BCAS4: variants seen among roughly 807,000 people sequenced by gnomAD.
BCAS4 encodes the protein breast carcinoma amplified sequence 4.
Under a neutral mutation model 15.7 loss-of-function variants are expected in BCAS4, and 9 were observed. That is an observed-to-expected ratio of 0.57 (90% CI 0.34 to 1.00). BCAS4 has a LOEUF of 1.00. BCAS4 is among the 50% of genes least tolerant of loss of function. The pLI, the probability that BCAS4 is intolerant of heterozygous loss-of-function variation, is 0.02. For missense variants in BCAS4, 225 were observed against 239.1 expected, an observed-to-expected ratio of 0.94 and a Z score of 0.39; for synonymous variants, 101 against 99.5, an observed-to-expected ratio of 1.02 and a Z score of -0.09.
At chr20:50,837,818 A>C (rs1228679896) in intron 3 of BCAS4, among the ~76,000 whole-genome samples, 1 of 152,218 alleles carries the variant, frequency 6.6e-6, no homozygotes, top group African/African-American at 2.4e-5. Flanking sequence ...GATTGGTATT[A>C]ACGCTGGGAG....
chr20:50,825,181 G>A (rs1267373027), intron 2 of BCAS4, among the ~76,000 whole-genome samples: 4 of 152,212 alleles, frequency 2.6e-5, no homozygotes, highest in African/African-American at 9.6e-5. Context: ...AGTGTGCTCT[G>A]TTGGTATCGT....
Position 50,818,261 on chromosome 20 carries a change from G to T in BCAS4, c.141G>T (p.Glu47Asp). The T allele has an allele frequency of 1.2e-6, 2 of 1,613,860 alleles. No homozygotes were observed. Among genetic ancestry groups the T allele is most frequent in the Non-Finnish European group, 1.7e-6 (2 of 1,179,946 alleles). ...TIEGMLLRLE[E>D]FCSLADLIRS... ...AGGGCATGCTCCTCAGGCTGGAAGA[G>T]TTTTGCAGCCTGGCTGACCTGGTGA... Residue 47 changes from glutamate to aspartate, a missense_variant, in exon 2 of 5, where the codon GAG (glutamate) becomes GAT (aspartate). Transcript: ENST00000371608.
intron 4 of BCAS4, among the ~76,000 whole-genome samples, chr20:50,868,725 C>T (rs761531169): frequency 6.6e-6 from 1 of 152,204 alleles, no homozygotes; most frequent in Non-Finnish European, 1.5e-5. Context: ...CTGATCCTTT[C>T]ATTTCATTAT....
At chr20:50,813,339 T>C (rs1231509727) in intron 1 of BCAS4, among the ~76,000 whole-genome samples, 1 of 152,100 alleles carries the variant, frequency 6.6e-6, no homozygotes, top group African/African-American at 2.4e-5. Context: ...GTGGAGGATT[T>C]GGGGTGGGGA....
At chr20:50,830,494 G>C (rs2088331231) in intron 3 of BCAS4, 114 bp downstream of exon 3, 2 of 781,916 alleles carry the variant, frequency 2.6e-6, no homozygotes, top group Non-Finnish European at 4.1e-6. Flanking sequence ...CAATGCAGGG[G>C]GTTGGTGGTG....
At chr20:50,847,480 A>G (rs1352909039) in intron 4 of BCAS4, among the ~76,000 whole-genome samples, 2 of 152,238 alleles carry the variant, frequency 1.3e-5, no homozygotes, top group African/African-American at 4.8e-5. Flanking sequence ...GGCAGCTGAC[A>G]GAGCCAGCCC....
chr20:50,818,088 GT>G, intron 1 of BCAS4, 122 bp from the exon 2 acceptor site: 1 of 860,392 alleles, frequency 1.2e-6, no homozygotes, highest in Non-Finnish European at 1.8e-6. Flanking sequence ...GTGGAAGGGG[GT>G]CGAGCAGGAA....
chr20:50,867,687 G>T (rs539062781), intron 4 of BCAS4, among the ~76,000 whole-genome samples: 3 of 152,310 alleles, frequency 2.0e-5, no homozygotes, highest in African/African-American at 7.2e-5. Flanking sequence ...GCCAAGGTGG[G>T]CAGATCACTT....
At chr20:50,812,299 A>T (rs1323600927) in intron 1 of BCAS4, among the ~76,000 whole-genome samples, 1 of 151,502 alleles carries the variant, frequency 6.6e-6, no homozygotes, top group African/African-American at 2.4e-5. Flanking sequence ...CGCCCGGCTA[A>T]TTTTTTGTAT....
intron 3 of BCAS4, among the ~76,000 whole-genome samples, chr20:50,839,819 T>A (rs945456377): frequency 1.3e-5 from 2 of 152,244 alleles, no homozygotes; most frequent in Admixed American, 6.5e-5. Context: ...AGGTTGATAC[T>A]GTTTTTAATC....
intron 1 of BCAS4, among the ~76,000 whole-genome samples, chr20:50,804,916 A>G (rs777336188): frequency 6.6e-6 from 1 of 152,110 alleles, no homozygotes; most frequent in Non-Finnish European, 1.5e-5. Flanking sequence ...ACCTAACGCT[A>G]CTCAGAGAAT....
upstream of BCAS4, chr20:50,795,058 G>A (rs1382165959): frequency 1.3e-5 from 19 of 1,481,736 alleles, no homozygotes; most frequent in Non-Finnish European, 1.7e-5. Flanking sequence ...GGCAGCCTCC[G>A]CCAGCCGGAC....
At chr20:50,856,306 C>T (rs1431112969) in intron 4 of BCAS4, among the ~76,000 whole-genome samples, 2 of 152,182 alleles carry the variant, frequency 1.3e-5, no homozygotes, top group Non-Finnish European at 2.9e-5. Context: ...GAAAATAAAC[C>T]GTGTCTCATT....
At chr20:50,807,743 C>T (rs1033820131) in intron 1 of BCAS4, among the ~76,000 whole-genome samples, 9 of 151,992 alleles carry the variant, frequency 5.9e-5, no homozygotes, top group African/African-American at 2.2e-4. Flanking sequence ...CTCTCACTTA[C>T]GAGTGAGAAC....
chr20:50,818,086 G>A, intron 1 of BCAS4, 125 bp from the exon 2 acceptor site: 6 of 829,830 alleles, frequency 7.2e-6, no homozygotes, highest in East Asian at 2.7e-5. Flanking sequence ...CAGTGGAAGG[G>A]GGTCGAGCAG....
At chr20:50,799,037 G>T (rs2087898349) in intron 1 of BCAS4, among the ~76,000 whole-genome samples, 1 of 152,110 alleles carries the variant, frequency 6.6e-6, no homozygotes, top group Non-Finnish European at 1.5e-5. Flanking sequence ...AGCATACTTT[G>T]GTCTAGTGTC....
chr20:50,849,606 G>A (rs2088585455), intron 4 of BCAS4, among the ~76,000 whole-genome samples: 1 of 152,204 alleles, frequency 6.6e-6, no homozygotes, highest in African/African-American at 2.4e-5. Flanking sequence ...GAGACAGGAG[G>A]GAGTGGTGGG....
chr20:50,869,742 CTTTTT>C (rs55685532), intron 4 of BCAS4, among the ~76,000 whole-genome samples: 1 of 77,654 alleles, frequency 1.3e-5, no homozygotes. Context: ...CCTGGCACTG[CTTTTT>C]TTTTTTTTTT....
rs1266238050 is a variant in BCAS4 at position 50,851,512 on chromosome 20, G to T, written c.399+9612G>T. On this transcript the variant is annotated intron_variant, in intron 4 of 4. Transcript: ENST00000371608. The surrounding 1 kb of genome is among the most constrained non-coding windows in gnomAD (Gnocchi z 4.3). The stretch of plus-strand genomic sequence containing the variant: ...CTTGCTGAGATTTTGAGGATGAGAG[G>T]GGAGAAAGTTCCTTCCGACAACAAG... Among the ~76,000 whole-genome samples the T allele has an allele frequency of 6.6e-6, 1 of 152,154 alleles. No homozygotes were observed. Among genetic ancestry groups the T allele is most frequent in the Non-Finnish European group, 1.5e-5 (1 of 68,032 alleles).
Sources: gnomAD v4.1 joint callset for allele counts (sites outside exome capture counted in the v4.1 genomes callset) on GRCh38, gnomAD v4.1.1 for gene constraint, Gnocchi (gnomAD v3.1) non-coding constraint, MANE v1.5 for transcripts, NCBI Gene and HGNC (gene_info 2026-07-23, HGNC 2026-07-21) for gene names.